The following LARP4B variants were observed in gnomAD, a reference collection of about 807,000 sequenced individuals.
The protein encoded by LARP4B is la-related protein 4B.
LARP4B carries 12 observed loss-of-function variants against 89.8 expected under a neutral mutation model. The observed-to-expected ratio is 0.13, with a 90% CI of 0.09 to 0.22. The LOEUF (loss-of-function observed/expected upper bound fraction) is 0.22. Ranked by LOEUF, LARP4B falls within the 10% of genes least tolerant of loss-of-function variation. The pLI is 1.00. For missense variants in LARP4B, 757 were observed against 947.7 expected, an observed-to-expected ratio of 0.80 and a Z score of 2.64; for synonymous variants, 367 against 363.3, an observed-to-expected ratio of 1.01 and a Z score of -0.12.
chr10:939,205 C>T, the LARP4B span, among the ~76,000 whole-genome samples: 1 of 152,152 alleles, frequency 6.6e-6, no homozygotes, highest in Non-Finnish European at 1.5e-5. Flanking sequence ...AGGGAGGCTG[C>T]AGTGGAGTTG....
intron 1 of LARP4B, among the ~76,000 whole-genome samples, chr10:923,976 G>A (rs576222297): frequency 6.6e-5 from 10 of 152,284 alleles, no homozygotes; most frequent in African/African-American, 2.2e-4. Flanking sequence ...TAGGCCAGGT[G>A]CAATGGCTCA....
the LARP4B span, among the ~76,000 whole-genome samples, chr10:985,029 G>A: frequency 1.3e-5 from 2 of 152,196 alleles, no homozygotes; most frequent in Admixed American, 6.5e-5. Context: ...AAAGGAGAGT[G>A]GCTTTGGAGT....
rs951463047 is a variant in LARP4B at position 917,920 on chromosome 10, G to T, written c.-40+13508C>A. On this transcript the variant is annotated intron_variant, in intron 1 of 17. Transcript: ENST00000316157. ...AGATTTATATCTTCAGTAAAAATGG[G>T]GACTGGAGAGAGAAAAAATTATGCT... Among the ~76,000 whole-genome samples the T allele has an allele frequency of 2.8e-4, 42 of 152,052 alleles. 1 individual carries two copies. Among genetic ancestry groups the T allele is most frequent in the African/African-American group, 8.7e-4 (36 of 41,390 alleles).
chr10:834,949 A>T (rs992294421), intron 8 of LARP4B, among the ~76,000 whole-genome samples: 9 of 151,870 alleles, frequency 5.9e-5, no homozygotes, highest in Non-Finnish European at 7.4e-5. Context: ...CTGAGGCAGG[A>T]GAAGCACTCG....
chr10:982,091 CT>C, the LARP4B span, among the ~76,000 whole-genome samples: 196 of 134,126 alleles, frequency 1.5e-3, no homozygotes, highest in African/African-American at 5.4e-3. Flanking sequence ...CAACCTATAG[CT>C]TTTTTTTCTT....
chr10:969,229 A>G, the LARP4B span, among the ~76,000 whole-genome samples: 1 of 152,214 alleles, frequency 6.6e-6, no homozygotes, highest in Admixed American at 6.5e-5. Flanking sequence ...CGAGGTAGGC[A>G]GTGACAACCT....
At chr10:863,212 A>G (rs971574433) in intron 5 of LARP4B, among the ~76,000 whole-genome samples, 2 of 149,226 alleles carry the variant, frequency 1.3e-5, no homozygotes, top group Non-Finnish European at 3.0e-5. Context: ...ACTTCGCACT[A>G]CTAAATAGGT....
At chr10:861,959 A>G (rs1327868932) in intron 5 of LARP4B, among the ~76,000 whole-genome samples, 1 of 152,064 alleles carries the variant, frequency 6.6e-6, no homozygotes, top group Non-Finnish European at 1.5e-5. Flanking sequence ...TTCCTTTGCC[A>G]TCTTAAATTC....
chr10:932,034 G>T (rs912376999), upstream of LARP4B, among the ~76,000 whole-genome samples: 1 of 149,764 alleles, frequency 6.7e-6, no homozygotes, highest in African/African-American at 2.4e-5. Context: ...TGACGCTGGG[G>T]GGCCGTGTGG....
chr10:818,356 ACT>A (rs1162995956), intron 14 of LARP4B: 1 of 152,538 alleles, frequency 6.6e-6, no homozygotes, highest in South Asian at 2.1e-4. Flanking sequence ...AAAATATGAC[ACT>A]CTCTCCACAA....
upstream of LARP4B, among the ~76,000 whole-genome samples, chr10:936,360 G>A (rs534798499): frequency 3.4e-4 from 51 of 152,052 alleles, no homozygotes; most frequent in Non-Finnish European, 5.6e-4. Context: ...TGACTAAGCC[G>A]GGGCCAGAGA....
At chr10:830,244 C>T (rs1832830795) in intron 9 of LARP4B, among the ~76,000 whole-genome samples, 1 of 152,176 alleles carries the variant, frequency 6.6e-6, no homozygotes, top group Non-Finnish European at 1.5e-5. Flanking sequence ...CGACCACATT[C>T]GCCACACGGG....
At chr10:945,054 A>G in the LARP4B span, among the ~76,000 whole-genome samples, 1 of 152,238 alleles carries the variant, frequency 6.6e-6, no homozygotes, top group Non-Finnish European at 1.5e-5. Flanking sequence ...AACCACGTTT[A>G]TAATTCATAT....
chr10:814,737 C>T lies in LARP4B; in HGVS notation c.1929+5G>A, dbSNP rs1229172323. 4 of 1,584,470 alleles carry T rather than the reference C, an allele frequency of 2.5e-6. No individual in the cohort carries two copies. Among genetic ancestry groups the T allele is most frequent in the Non-Finnish European group, 3.4e-6 (4 of 1,164,730 alleles). On this transcript the variant is annotated splice_donor_5th_base_variant and intron_variant, in intron 17 of 17. Coordinates refer to ENST00000316157, the MANE Select transcript of LARP4B (RefSeq NM_015155.3). This position sits in a 1 kb window ranked among gnomAD's most constrained non-coding sequence, Gnocchi z 4.4. ...CGTGCAGGAAGGCAGGCACGAGGTA[C>T]GTACCGTGGCGGCTCCGTTCACCTG...
chr10:894,059 T>G (rs1836118205), intron 1 of LARP4B, among the ~76,000 whole-genome samples: 1 of 152,212 alleles, frequency 6.6e-6, no homozygotes, highest in Non-Finnish European at 1.5e-5. Context: ...TCCCAATATC[T>G]AATACAATAA....
the LARP4B span, among the ~76,000 whole-genome samples, chr10:959,963 C>T: frequency 2.0e-5 from 3 of 151,670 alleles, no homozygotes; most frequent in African/African-American, 7.3e-5. Flanking sequence ...TCAATCCCAC[C>T]TCCTCGTGTC....
chr10:890,098 T>G (rs557505193), intron 1 of LARP4B, among the ~76,000 whole-genome samples: 5 of 152,342 alleles, frequency 3.3e-5, no homozygotes, highest in African/African-American at 9.6e-5. Flanking sequence ...TAGGTACATC[T>G]GAAAACATAC....
the LARP4B span, chr10:985,596 C>A: frequency 6.6e-6 from 1 of 152,204 alleles, no homozygotes; most frequent in Admixed American, 6.5e-5. Context: ...GGCTCTCATG[C>A]CATTGCTGCC....
the LARP4B span, among the ~76,000 whole-genome samples, chr10:955,169 C>G: frequency 9.2e-5 from 14 of 152,218 alleles, no homozygotes; most frequent in Non-Finnish European, 1.6e-4. This position sits in a 1 kb window ranked among gnomAD's most constrained non-coding sequence, Gnocchi z 5.2. Flanking sequence ...ACACTCCTCC[C>G]AACAGTAGGC....
Sources: allele counts gnomAD v4.1 joint callset (sites outside exome capture counted in the v4.1 genomes callset), GRCh38; gene constraint gnomAD v4.1.1; non-coding constraint Gnocchi (gnomAD v3.1); transcripts MANE v1.5; gene names NCBI Gene and HGNC (gene_info 2026-07-23, HGNC 2026-07-21).